The following SKIC3 variants were observed in gnomAD, a reference collection of about 807,000 sequenced individuals.
SKIC3 encodes SKI3 subunit of superkiller complex.
At chr5:95,499,250 A>C in the SKIC3 span, among the ~76,000 whole-genome samples, 85 of 152,274 alleles carry the variant, frequency 5.6e-4, no homozygotes, top group Non-Finnish European at 1.1e-3. Flanking sequence ...CATGAGGCAG[A>C]GTTCTCATGA....
the SKIC3 span, among the ~76,000 whole-genome samples, chr5:95,506,122 T>G: frequency 6.6e-6 from 1 of 152,232 alleles, no homozygotes; most frequent in African/African-American, 2.4e-5. Context: ...CTATCAACTT[T>G]TAAGTATTTT....
the SKIC3 span, chr5:95,523,178 T>C: frequency 6.2e-7 from 1 of 1,613,318 alleles, no homozygotes; most frequent in Non-Finnish European, 8.5e-7. Context: ...TCTAACATAG[T>C]TTAAATACAA....
the SKIC3 span, chr5:95,536,677 C>T: frequency 2.7e-6 from 2 of 740,578 alleles, no homozygotes; most frequent in Non-Finnish European, 4.8e-6. Flanking sequence ...ACAAAGACTA[C>T]ACATTATACT....
At chr5:95,473,440 C>T in the SKIC3 span, among the ~76,000 whole-genome samples, 2 of 152,084 alleles carry the variant, frequency 1.3e-5, no homozygotes, top group Admixed American at 1.3e-4. Flanking sequence ...TGCCACTACG[C>T]CTGGCTAATT....
the SKIC3 span, chr5:95,516,288 T>C: frequency 5.4e-5 from 85 of 1,560,830 alleles, no homozygotes; most frequent in Admixed American, 2.5e-4. Flanking sequence ...AGCTGAGCTA[T>C]TGAGGAGACA....
the SKIC3 span, among the ~76,000 whole-genome samples, chr5:95,505,629 C>T: frequency 1.3e-5 from 2 of 151,832 alleles, no homozygotes; most frequent in Admixed American, 6.6e-5. Context: ...CTGGCCAACA[C>T]GGTGAAACTC....
the SKIC3 span, among the ~76,000 whole-genome samples, chr5:95,533,371 G>A: frequency 6.6e-6 from 1 of 152,118 alleles, no homozygotes; most frequent in South Asian, 2.1e-4. Context: ...TTGTGGGAGG[G>A]CGGCTCAGAC....
the SKIC3 span, among the ~76,000 whole-genome samples, chr5:95,486,176 C>G: frequency 1.3e-5 from 2 of 152,148 alleles, no homozygotes; most frequent in African/African-American, 2.4e-5. Context: ...GAGCCCAGCC[C>G]TCTACCAGGC....
At chr5:95,525,055 T>C in the SKIC3 span, among the ~76,000 whole-genome samples, 3 of 152,006 alleles carry the variant, frequency 2.0e-5, no homozygotes, top group Non-Finnish European at 1.5e-5. Flanking sequence ...AGCTACTTTT[T>C]GTATTTTTAG....
chr5:95,503,084 T>G, the SKIC3 span: 4 of 1,547,056 alleles, frequency 2.6e-6, no homozygotes, highest in South Asian at 3.4e-5. Context: ...CCTTTCCAAA[T>G]TTTTTAGAAA....
chr5:95,496,516 A>T, the SKIC3 span, among the ~76,000 whole-genome samples: 1 of 152,142 alleles, frequency 6.6e-6, no homozygotes, highest in Non-Finnish European at 1.5e-5. Context: ...CCCAAGCACA[A>T]AGTAGCCTGC....
At chr5:95,491,111 T>G in the SKIC3 span, 11 of 1,577,066 alleles carry the variant, frequency 7.0e-6, no homozygotes, top group East Asian at 2.6e-4. Flanking sequence ...AAAATGAGAT[T>G]AAGAGTTTAC....
the SKIC3 span, chr5:95,478,226 C>G: frequency 1.3e-5 from 20 of 1,572,604 alleles, no homozygotes; most frequent in South Asian, 1.9e-4. Context: ...ATGTAAAAAG[C>G]CTTCACGTCA....
chr5:95,478,074 T>G, the SKIC3 span, among the ~76,000 whole-genome samples: 1 of 152,148 alleles, frequency 6.6e-6, no homozygotes, highest in African/African-American at 2.4e-5. Context: ...ACTGTAATCT[T>G]TTTTCCCCAA....
At chr5:95,521,341 T>G in the SKIC3 span, 1 of 155,654 alleles carries the variant, frequency 6.4e-6, no homozygotes, top group Non-Finnish European at 1.4e-5. Context: ...AGCCCTAAGT[T>G]ATATGTCATA....
the SKIC3 span, among the ~76,000 whole-genome samples, chr5:95,518,537 A>T: frequency 4.6e-4 from 70 of 151,564 alleles, no homozygotes; most frequent in Non-Finnish European, 7.4e-5. Flanking sequence ...TTTAGCTTCC[A>T]CATATGAGTA....
the SKIC3 span, among the ~76,000 whole-genome samples, chr5:95,476,640 G>A: frequency 6.6e-6 from 1 of 152,080 alleles, no homozygotes. Flanking sequence ...GCCACAAGAA[G>A]GTAAAATAGG....
At chr5:95,477,353 CA>C in the SKIC3 span, among the ~76,000 whole-genome samples, 3 of 147,700 alleles carry the variant, frequency 2.0e-5, no homozygotes, top group Non-Finnish European at 1.5e-5. Flanking sequence ...GGCACCAAAG[CA>C]AAAAAAAAGG....
the SKIC3 span, among the ~76,000 whole-genome samples, chr5:95,528,570 G>A: frequency 5.9e-5 from 9 of 152,154 alleles, no homozygotes; most frequent in Non-Finnish European, 1.3e-4. Flanking sequence ...AAGCTACCAG[G>A]TGGGTCAGAA....
Sources: gnomAD v4.1 joint callset for allele counts (sites outside exome capture counted in the v4.1 genomes callset) on GRCh38, gnomAD v4.1.1 for gene constraint, MANE v1.5 for transcripts, NCBI Gene and HGNC (gene_info 2026-07-23, HGNC 2026-07-21) for gene names.